The following ITGAM variants were observed in gnomAD, a reference collection of about 807,000 sequenced individuals.
ITGAM encodes the protein integrin alpha-M.
Under a neutral mutation model 137.5 loss-of-function variants are expected in ITGAM, and 79 were observed. The observed-to-expected ratio is 0.57, with a 90% confidence interval of 0.48 to 0.69. The LOEUF is 0.69. Ranked by LOEUF, ITGAM falls within the 30% of genes least tolerant of loss-of-function variation. The probability of loss-of-function intolerance (pLI) is 0.00; values close to 1 mark genes in which losing one functional copy is unlikely to be tolerated. For missense variants in ITGAM, 1,343 were observed against 1,483.5 expected (o/e 0.91, Z 1.56); for synonymous variants, 583 against 592.3 (o/e 0.98, Z 0.23).
chr16:31,316,005 T>C lies in ITGAM; in HGVS notation c.1708-5236T>C, dbSNP rs2080388048. ...GTCAGGAAATCGAGACCGTCATGGCTAACAAGGTGAAACCCCGTCTCTACT... is the reference window on the plus strand; with the variant it reads ...GTCAGGAAATCGAGACCGTCATGGCCAACAAGGTGAAACCCCGTCTCTACT... On this transcript the variant is annotated intron_variant, in intron 14 of 29. Transcript: ENST00000544665. Among the ~76,000 whole-genome samples the C allele has an allele frequency of 1.5e-5, 2 of 134,654 alleles. 1 individual carries two copies. The highest frequency in any genetic ancestry group is 3.2e-5 in the Non-Finnish European group (2 of 63,112). The allele number at this position is 134,654 out of a possible 152,430, so 88.3% of individuals were successfully genotyped here.
In ITGAM at chr16:31,265,805, C is replaced by T. The variant is rs960544394; in HGVS notation, c.239-6C>T. ...AGGGTGACCATGCCCATATCTGTCC[C>T]CGCAGTCCCCGTGGAGGCCGTGAAC... On this transcript the variant is annotated splice_region_variant and splice_polypyrimidine_tract_variant and intron_variant, in intron 3 of 29. Coordinates refer to ENST00000544665, the MANE Select transcript of ITGAM (RefSeq NM_000632.4). 6.8e-6 allele frequency: 11 copies of T among 1,613,730 alleles called. No homozygotes were observed. Among genetic ancestry groups the T allele is most frequent in the Admixed American group, 1.7e-5 (1 of 60,002 alleles).
intron 6 of ITGAM, 111 bp downstream of exon 6, chr16:31,271,195 C>T (rs550640231): frequency 1.0e-4 from 96 of 923,758 alleles, no homozygotes; most frequent in African/African-American, 9.6e-4. Flanking sequence ...GCCAAATTGA[C>T]GATCGATTAT....
chr16:31,320,997 A>C (rs1005049253), intron 14 of ITGAM, among the ~76,000 whole-genome samples: 4 of 151,898 alleles, frequency 2.6e-5, no homozygotes, highest in African/African-American at 9.7e-5. Flanking sequence ...ACAAAGTGAG[A>C]CCCCCGTTTT....
At chr16:31,307,698 G>A (rs2080280232) in intron 14 of ITGAM, among the ~76,000 whole-genome samples, 1 of 152,086 alleles carries the variant, frequency 6.6e-6, no homozygotes, top group African/African-American at 2.4e-5. Flanking sequence ...AATAGGAGTG[G>A]TGAGAGAGGG....
At chr16:31,307,728 T>A (rs1026857932) in intron 14 of ITGAM, among the ~76,000 whole-genome samples, 24 of 152,084 alleles carry the variant, frequency 1.6e-4, no homozygotes, top group Non-Finnish European at 3.2e-4. Flanking sequence ...CTTGTGCCAG[T>A]TTTCAAAGGG....
At chr16:31,302,891 T>C (rs1306003127) in intron 14 of ITGAM, among the ~76,000 whole-genome samples, 5 of 151,812 alleles carry the variant, frequency 3.3e-5, no homozygotes, top group Non-Finnish European at 7.4e-5. Flanking sequence ...TCCCTCTTTC[T>C]TTCTTTCTCT....
chr16:31,325,072 C>G (rs369050705), intron 19 of ITGAM, 41 bp downstream of exon 19: 1 of 1,530,772 alleles, frequency 6.5e-7, no homozygotes, highest in Non-Finnish European at 8.8e-7. Context: ...GAGAAGGACC[C>G]GTACCATGAC....
chr16:31,312,910 T>G (rs1258912720), intron 14 of ITGAM, among the ~76,000 whole-genome samples: 1 of 151,568 alleles, frequency 6.6e-6, no homozygotes, highest in East Asian at 1.9e-4. Context: ...TGTTTTTATT[T>G]ATTTTTTCTT....
chr16:31,279,444 A>ATAG (rs1389773595), intron 12 of ITGAM, among the ~76,000 whole-genome samples: 1 of 152,142 alleles, frequency 6.6e-6, no homozygotes, highest in Non-Finnish European at 1.5e-5. Context: ...CTGGTGTGAG[A>ATAG]TAGTATCTCA....
chr16:31,270,188 C>CTTT (rs1364443434), intron 5 of ITGAM, among the ~76,000 whole-genome samples: 1 of 138,284 alleles, frequency 7.2e-6, no homozygotes, highest in African/African-American at 2.7e-5. Context: ...CTTTCCTTTC[C>CTTT]TTTTTTTCTT....
chr16:31,294,471 C>T (rs566573582), intron 12 of ITGAM, among the ~76,000 whole-genome samples: 1 of 152,232 alleles, frequency 6.6e-6, no homozygotes, highest in Admixed American at 6.5e-5. Flanking sequence ...AAAGCCTTCT[C>T]TTCATCTATT....
intron 5 of ITGAM, among the ~76,000 whole-genome samples, 200 bp from the exon 6 acceptor site, chr16:31,270,754 G>A (rs1422384978): frequency 4.2e-4 from 33 of 78,606 alleles, no homozygotes; most frequent in East Asian, 7.9e-4. Flanking sequence ...TGTTTTTAAC[G>A]TGTGTATACA....
At chr16:31,286,214 T>C (rs1596997377) in intron 12 of ITGAM, among the ~76,000 whole-genome samples, 1 of 152,130 alleles carries the variant, frequency 6.6e-6, no homozygotes, top group South Asian at 2.1e-4. Flanking sequence ...TATTTGATGG[T>C]GTATATGTAC....
At chr16:31,297,251 T>C (rs1346006081) in intron 12 of ITGAM, among the ~76,000 whole-genome samples, 1 of 152,124 alleles carries the variant, frequency 6.6e-6, no homozygotes, top group East Asian at 1.9e-4. Flanking sequence ...ACTGCAGCCT[T>C]AAACTCCTTG....
At chr16:31,309,398 A>G (rs1330933668) in intron 14 of ITGAM, among the ~76,000 whole-genome samples, 2 of 124,922 alleles carry the variant, frequency 1.6e-5, no homozygotes, top group African/African-American at 6.4e-5. Context: ...TCCCTTTACC[A>G]TTATGTAATG....
At chr16:31,263,275 T>C (rs1183334225) in intron 2 of ITGAM, among the ~76,000 whole-genome samples, 1 of 152,240 alleles carries the variant, frequency 6.6e-6, no homozygotes, top group Admixed American at 6.5e-5. Context: ...AGATCTCTTG[T>C]TAATGAACAT....
intron 16 of ITGAM, among the ~76,000 whole-genome samples, chr16:31,322,882 T>A (rs2080464553): frequency 6.6e-6 from 1 of 151,996 alleles, no homozygotes; most frequent in Admixed American, 6.6e-5. Context: ...GAACAGAGAA[T>A]TAGTGAACAA....
chr16:31,326,478 G>A (rs529553739), intron 21 of ITGAM, among the ~76,000 whole-genome samples: 22 of 152,214 alleles, frequency 1.4e-4, no homozygotes, highest in Non-Finnish European at 1.2e-4. Context: ...GTGCAGTGGT[G>A]CAATCTTGGC....
chr16:31,263,961 G>C (rs1279792538), intron 2 of ITGAM, among the ~76,000 whole-genome samples: 1 of 151,404 alleles, frequency 6.6e-6, no homozygotes, highest in South Asian at 2.1e-4. Context: ...TCAGCCTCCC[G>C]AGTAGCTGGG....
Sources: allele counts gnomAD v4.1 joint callset (sites outside exome capture counted in the v4.1 genomes callset), GRCh38; gene constraint gnomAD v4.1.1; transcripts MANE v1.5; gene names NCBI Gene and HGNC (gene_info 2026-07-23, HGNC 2026-07-21).